Variants in SLC19A1 observed in about 807,000 individuals in gnomAD.
SLC19A1 encodes the protein solute carrier family 19 member 1.
SLC19A1 carries 37 observed loss-of-function variants against 35.3 expected under a neutral mutation model. That is an observed-to-expected ratio of 1.05 (90% CI 0.81 to 1.38). SLC19A1 has a LOEUF of 1.38. SLC19A1 is among the 40% of genes most tolerant of loss of function. SLC19A1 has a pLI of 0.00. For synonymous variants in SLC19A1, 460 were observed against 398.5 expected (o/e 1.15, Z -1.84); for missense variants, 831 against 826.9 (o/e 1.00, Z -0.06).
chr21:45,553,057 C>G (rs1342612385), intron 1 of SLC19A1, among the ~76,000 whole-genome samples: 1 of 152,132 alleles, frequency 6.6e-6, no homozygotes, highest in Admixed American at 6.5e-5. Flanking sequence ...TAAAACAAGA[C>G]TCCACCGGGC....
At chr21:45,553,623 A>G (rs1399779642) in intron 1 of SLC19A1, among the ~76,000 whole-genome samples, 22 of 72,836 alleles carry the variant, frequency 3.0e-4, no homozygotes, top group Middle Eastern at 0.012. Flanking sequence ...CTCACCCCCA[A>G]TCCCCCCGCG....
intron 1 of SLC19A1, among the ~76,000 whole-genome samples, chr21:45,562,089 C>A (rs966950706): frequency 1.0e-4 from 15 of 146,126 alleles, no homozygotes; most frequent in Non-Finnish European, 1.5e-4. Context: ...TGAGATCGCG[C>A]CATTGCACTC....
chr21:45,503,118 T>C (rs974011663), intron 3 of SLC19A1: 2 of 152,224 alleles, frequency 1.3e-5, no homozygotes, highest in Non-Finnish European at 2.9e-5. Flanking sequence ...ATGGTATTTC[T>C]AGTTCTAGAT....
chr21:45,510,398 T>G (rs1046878237), downstream of SLC19A1: 4 of 1,015,206 alleles, frequency 3.9e-6, no homozygotes, highest in Admixed American at 8.2e-5. Flanking sequence ...GCTGGCGACT[T>G]CAGGGCAGGC....
intron 3 of SLC19A1, 94 bp downstream of exon 3, chr21:45,531,295 G>C: frequency 6.7e-7 from 1 of 1,484,838 alleles, no homozygotes; most frequent in Non-Finnish European, 9.0e-7. Context: ...CAGGGGGCGG[G>C]AGAGGGAGCC....
downstream of SLC19A1, chr21:45,510,156 G>A (rs777538527): frequency 1.9e-6 from 3 of 1,596,480 alleles, no homozygotes; most frequent in South Asian, 1.1e-5. Context: ...CGCGGGCCGT[G>A]GGGCTGGCGG....
upstream of SLC19A1, among the ~76,000 whole-genome samples, chr21:45,545,583 C>T (rs1259357157): frequency 1.3e-5 from 2 of 151,994 alleles, no homozygotes; most frequent in Admixed American, 6.6e-5. Context: ...CAAAAACAGC[C>T]CCCCTCATAC....
rs536721839 is a variant in SLC19A1 at position 45,515,160 on chromosome 21, A to G, written c.*498T>C. 1,886 of 1,479,132 alleles carry G rather than the reference A, an allele frequency of 1.3e-3. 23 individuals carry two copies. The African/African-American group carries it at 0.033, about 26-fold the overall frequency. The allele number at this position is 1,479,132 out of a possible 1,614,324, so 91.6% of individuals were successfully genotyped here. A position where few individuals can be genotyped will look rare whatever the true frequency, so the allele number is the denominator to read the frequency against. The stretch of plus-strand genomic sequence containing the variant: ...CACATGCAGTTCTTCATTCTACGTC[A>G]GTTAAAAAAAAAAAAAGCATCTTTC... On this transcript the variant is annotated 3_prime_UTR_variant, in exon 6 of 6. Transcript: ENST00000311124.
chr21:45,545,863 C>G (rs1335431518), upstream of SLC19A1, among the ~76,000 whole-genome samples: 1 of 152,196 alleles, frequency 6.6e-6, no homozygotes, highest in African/African-American at 2.4e-5. Flanking sequence ...TGCTTCTGCT[C>G]CCATCTGAAT....
intron 3 of SLC19A1, chr21:45,502,852 C>T (rs1414589004): frequency 1.3e-5 from 2 of 152,200 alleles, no homozygotes; most frequent in African/African-American, 4.8e-5. Context: ...GCTCTTTTCT[C>T]AGCACGTCTC....
intron 1 of SLC19A1, among the ~76,000 whole-genome samples, chr21:45,553,639 CT>C (rs1473038022): frequency 1.5e-5 from 1 of 67,378 alleles, no homozygotes; most frequent in Non-Finnish European, 3.1e-5. Context: ...CCGCGCCCCC[CT>C]CCTAGTCCCC....
intron 1 of SLC19A1, among the ~76,000 whole-genome samples, chr21:45,560,623 C>T (rs1454834700): frequency 1.3e-5 from 2 of 152,212 alleles, no homozygotes; most frequent in African/African-American, 4.8e-5. Flanking sequence ...CAAGGACGGC[C>T]GCACACGGCG....
intron 1 of SLC19A1, among the ~76,000 whole-genome samples, chr21:45,553,684 CCAGTCCCCCACGCCCCA>C (rs1257158059): frequency 6.1e-5 from 1 of 16,364 alleles, no homozygotes; most frequent in Non-Finnish European, 1.0e-4. Context: ...ACACCCCATC[CCAGTCCCCCACGCCCCA>C]TCCCAGTCCC....
At chr21:45,509,392 C>G, downstream of SLC19A1, 1 of 1,541,890 alleles carries the variant, frequency 6.5e-7, no homozygotes, top group Non-Finnish European at 8.7e-7. Context: ...CCCCGTGGTG[C>G]AGCTGCACGA....
At chr21:45,504,995 T>C (rs2037104994) in intron 3 of SLC19A1, 6 of 1,072,528 alleles carry the variant, frequency 5.6e-6, no homozygotes, top group Non-Finnish European at 6.9e-6. Context: ...TCTCAGGCTA[T>C]GGCGTGGGCA....
intron 3 of SLC19A1, chr21:45,505,453 TG>T: frequency 2.9e-6 from 4 of 1,357,844 alleles, no homozygotes; most frequent in Non-Finnish European, 3.1e-6. Flanking sequence ...GGCAGCCGGC[TG>T]GGCACCTGCG....
chr21:45,511,079 C>CA (rs1555876759), downstream of SLC19A1: 349 of 1,034,788 alleles, frequency 3.4e-4, 1 homozygote, highest in East Asian at 7.4e-3. Flanking sequence ...CCCCCACACA[C>CA]CACACACACA....
chr21:45,552,730 T>C (rs1485939571), intron 1 of SLC19A1, among the ~76,000 whole-genome samples: 1 of 151,716 alleles, frequency 6.6e-6, no homozygotes, highest in Non-Finnish European at 1.5e-5. Flanking sequence ...CCTGGGTGTG[T>C]CCCAGACCCC....
chr21:45,511,227 G>A, downstream of SLC19A1: 3 of 1,547,316 alleles, frequency 1.9e-6, no homozygotes, highest in South Asian at 2.3e-5. Context: ...ACCCCACCTG[G>A]TAGGTTCCCA....
Sources: allele counts gnomAD v4.1 joint callset (sites outside exome capture counted in the v4.1 genomes callset), GRCh38; gene constraint gnomAD v4.1.1; transcripts MANE v1.5; gene names NCBI Gene and HGNC (gene_info 2026-07-23, HGNC 2026-07-21).